The following KLHL7 variants were observed in gnomAD, a reference collection of about 807,000 sequenced individuals.
The protein encoded by KLHL7 is kelch like family member 7, also known as kelch-like protein 7.
KLHL7 carries 44 observed loss-of-function variants against 67.4 expected under a neutral mutation model. That is an observed-to-expected ratio of 0.65 (90% CI 0.51 to 0.84). The LOEUF is 0.84. KLHL7 is among the 40% of genes least tolerant of loss of function. The pLI, the probability that KLHL7 is intolerant of heterozygous loss-of-function variation, is 0.00. For synonymous variants in KLHL7, 252 were observed against 243.3 expected, an observed-to-expected ratio of 1.04 and a Z score of -0.33; for missense variants, 362 against 718.1, an observed-to-expected ratio of 0.50 and a Z score of 5.67.
Position 23,130,184 on chromosome 7 carries a change from A to G in KLHL7, c.442+5012A>G, listed in dbSNP as rs184487241. Among the ~76,000 whole-genome samples, 43 of 152,298 alleles carry G rather than the reference A, an allele frequency of 2.8e-4. 1 individual carries two copies. In the East Asian group the frequency reaches 7.1e-3, roughly 25 times the overall value. ...GAGCAATTAGTAGTCTTTTTTCTTC[A>G]GTAAGAATAAGTGGTTGATAAAATT... On this transcript the variant is annotated intron_variant, in intron 4 of 10. Transcript: ENST00000339077.
At position 23,134,366 on chromosome 7, in the gene KLHL7, G is replaced by A. The variant is rs188990004; in HGVS notation, c.443-6403G>A. ...ATTTGGTTTGCTAATATTTTGTTGAGGATTTTTGCATCAATGTTCATCAGA... is the reference window on the plus strand; with the variant it reads ...ATTTGGTTTGCTAATATTTTGTTGAAGATTTTTGCATCAATGTTCATCAGA... On this transcript the variant is annotated intron_variant, in intron 4 of 10. Transcript: ENST00000339077. Among the ~76,000 whole-genome samples the A allele has an allele frequency of 1.1e-4, 17 of 152,216 alleles. 1 individual carries two copies. The East Asian group carries it at 2.7e-3, about 24-fold the overall frequency.
chr7:23,124,847 G>GT (rs1783504951), intron 3 of KLHL7, 66 bp downstream of exon 3: 2 of 1,195,420 alleles, frequency 1.7e-6, no homozygotes, highest in Non-Finnish European at 2.5e-6. Flanking sequence ...AAGCATTGTC[G>GT]TAACAAATAG....
chr7:23,133,441 T>C (rs949056691), intron 4 of KLHL7, among the ~76,000 whole-genome samples: 3 of 152,044 alleles, frequency 2.0e-5, no homozygotes, highest in African/African-American at 7.2e-5. Flanking sequence ...TTTATTTTTA[T>C]ATTTTTTTGA....
At chr7:23,146,663 CTTCT>C (rs1223762403) in intron 6 of KLHL7, among the ~76,000 whole-genome samples, 22 of 114,878 alleles carry the variant, frequency 1.9e-4, no homozygotes, top group African/African-American at 1.1e-3. Flanking sequence ...TCTTCTTCTT[CTTCT>C]TTTTTTTTTA....
rs368940209 is a variant in KLHL7, at chr7:23,167,944, A to G, written c.1286A>G (p.Asn429Ser). Residue 429 changes from asparagine to serine, a missense_variant, in exon 9 of 11, where the codon AAT becomes AGT. By Grantham distance (46) the Asn-to-Ser change is conservative. Transcript: ENST00000339077. ...QRCSHGMVEA[N>S]GLIYVCGGSL... ...TGCAGCCATGGGATGGTGGAAGCCA[A>G]TGGCCTAATCTATGTTTGTGGTGGA... 6.2e-7 allele frequency: 1 copy of G among 1,614,134 alleles called. No individual in the cohort carries two copies. Among genetic ancestry groups the G allele is most frequent in the Non-Finnish European group, 8.5e-7 (1 of 1,180,052 alleles).
At chr7:23,165,354 T>C (rs1391872800) in intron 7 of KLHL7, among the ~76,000 whole-genome samples, 1 of 152,180 alleles carries the variant, frequency 6.6e-6, no homozygotes, top group Non-Finnish European at 1.5e-5. Flanking sequence ...AAAGCTTTTT[T>C]AAAAAATAAA....
At chr7:23,144,590 G>A (rs1401308383) in intron 6 of KLHL7, among the ~76,000 whole-genome samples, 2 of 152,110 alleles carry the variant, frequency 1.3e-5, no homozygotes, top group East Asian at 3.8e-4. Flanking sequence ...CTAGGCCTGA[G>A]GCACAGTTCT....
In KLHL7 at chr7:23,106,018, T is replaced by C; in HGVS notation, c.-9T>C. ...GGCGAGCCCCGGGCGTGAACCGAGC[T>C]GAGGGAGGATGGCAGCCTCTGGGGT... On this transcript the variant is annotated 5_prime_UTR_variant, in exon 1 of 11. Transcript: ENST00000339077. 6.2e-7 allele frequency: 1 copy of C among 1,609,320 alleles called. No homozygotes were observed.
intron 7 of KLHL7, 38 bp from the exon 8 acceptor site, chr7:23,165,660 T>C (rs2128469467): frequency 6.2e-7 from 1 of 1,611,308 alleles, no homozygotes; most frequent in Middle Eastern, 1.7e-4. Context: ...GTTATATTTT[T>C]TTCCTTACTG....
intron 1 of KLHL7, 27 bp downstream of exon 1, chr7:23,106,173 G>A (rs759018655): frequency 6.2e-7 from 1 of 1,606,072 alleles, no homozygotes; most frequent in Non-Finnish European, 8.5e-7. Flanking sequence ...AGTGACGGAC[G>A]ACGGTGGGAG....
Position 23,106,001 on chromosome 7 carries a change from C to T in KLHL7, c.-26C>T, listed in dbSNP as rs377434067. ...GACCCCTCGCCCGGCCCGGCGAGCC[C>T]CGGGCGTGAACCGAGCTGAGGGAGG... is the stretch of plus-strand genomic sequence containing the variant. On this transcript the variant is annotated 5_prime_UTR_variant, in exon 1 of 11. Transcript: ENST00000339077. 7 of 1,606,152 alleles carry T rather than the reference C, an allele frequency of 4.4e-6. No homozygotes were observed. The highest frequency in any genetic ancestry group is 5.9e-6 in the Non-Finnish European group (7 of 1,177,704).
intron 6 of KLHL7, 101 bp downstream of exon 6, chr7:23,144,126 C>T (rs888318668): frequency 2.8e-5 from 29 of 1,028,734 alleles, no homozygotes; most frequent in East Asian, 1.7e-4. Context: ...CAGGGAGAAA[C>T]ATTCAAGATT....
intron 4 of KLHL7, among the ~76,000 whole-genome samples, chr7:23,128,120 G>A (rs1783648601): frequency 2.8e-5 from 4 of 144,890 alleles, no homozygotes; most frequent in Admixed American, 2.8e-4. Flanking sequence ...ACTACAGAGT[G>A]AGACTCTGTC....
At chr7:23,152,676 A>G (rs1784575440) in intron 7 of KLHL7, among the ~76,000 whole-genome samples, 1 of 152,228 alleles carries the variant, frequency 6.6e-6, no homozygotes. Context: ...CCACCTAGAA[A>G]TGATCACCAA....
intron 4 of KLHL7, 155 bp from the exon 5 acceptor site, chr7:23,140,614 A>T (rs1399812399): frequency 1.4e-6 from 1 of 738,530 alleles, no homozygotes; most frequent in African/African-American, 1.7e-5. Context: ...ACAGTATAGT[A>T]TTGGCACAAG....
rs57658434 is a variant in KLHL7, at chr7:23,175,953, T to TAAAAAAAAAAAAAA, written c.*1667_*1680dup. On this transcript the variant is annotated 3_prime_UTR_variant, in exon 11 of 11. Transcript: ENST00000339077. ...CCCAGCCTGGGCAACAGAGCAAGACTAAAAAAAAAAAAAAAAAAAAAAAAA... is the reference window on the plus strand; with the variant it reads ...CCCAGCCTGGGCAACAGAGCAAGACTAAAAAAAAAAAAAAAAAAAAAAAAAAAAAAAAAAAAAAA... 1 of 60,492 alleles carries TAAAAAAAAAAAAAA rather than the reference T, an allele frequency of 1.7e-5. No individual in the cohort carries two copies. The highest frequency in any genetic ancestry group is 7.1e-5 in the African/African-American group (1 of 14,162). The allele number at this position is 60,492 out of a possible 1,614,324, so 3.7% of individuals were successfully genotyped here.
rs545637603 is a variant in KLHL7 at position 23,156,298 on chromosome 7, A to T, written c.936+4089A>T. 11 of 202,386 alleles carry T rather than the reference A, an allele frequency of 5.4e-5. No individual in the cohort carries two copies. In the South Asian group the frequency reaches 7.8e-4, roughly 14 times the overall value. The allele number at this position is 202,386 out of a possible 1,614,324, so 12.5% of individuals were successfully genotyped here. A position where few individuals can be genotyped will look rare whatever the true frequency, so the allele number is the denominator to read the frequency against. ...AGAAAAAGAAGTCTTGGGTTGCTAT[A>T]TTGAATTGAAATGATATTTTTCTTG... On this transcript the variant is annotated intron_variant, in intron 7 of 10. Coordinates refer to ENST00000339077, the MANE Select transcript of KLHL7 (RefSeq NM_001031710.3).
At chr7:23,173,970 T>C (rs1304181655) in intron 10 of KLHL7, 45 bp from the exon 11 acceptor site, 2 of 1,576,728 alleles carry the variant, frequency 1.3e-6, no homozygotes, top group African/African-American at 2.7e-5. Context: ...ACCTTAGAAT[T>C]GTTGATATAG....
rs1485943610 is a variant in KLHL7 at position 23,174,515 on chromosome 7, A to G, written c.*217A>G. The G allele has an allele frequency of 1.5e-6, 1 of 673,736 alleles. No homozygotes were observed. Among genetic ancestry groups the G allele is most frequent in the Non-Finnish European group, 2.7e-6 (1 of 369,346 alleles). The allele number at this position is 673,736 out of a possible 1,614,324, so 41.7% of individuals were successfully genotyped here. A position where few individuals can be genotyped will look rare whatever the true frequency, so the allele number is the denominator to read the frequency against. ...CAAAACCAAGAACATATCTAGCAAG[A>G]AAACTTGAAAAAGTATAAGCATTTG... On this transcript the variant is annotated 3_prime_UTR_variant, in exon 11 of 11. Coordinates refer to ENST00000339077, the MANE Select transcript of KLHL7 (RefSeq NM_001031710.3).
Sources: allele counts gnomAD v4.1 joint callset (sites outside exome capture counted in the v4.1 genomes callset), GRCh38; gene constraint gnomAD v4.1.1; transcripts MANE v1.5; gene names NCBI Gene and HGNC (gene_info 2026-07-23, HGNC 2026-07-21).